Variants in TMEM131 observed in about 807,000 individuals in gnomAD.
TMEM131 encodes the protein 2610524E03Rik.
In TMEM131, 66 loss-of-function variants were observed where a neutral mutation model predicts 211.6. The observed-to-expected ratio is 0.31, with a 90% CI of 0.26 to 0.38. TMEM131 has a LOEUF of 0.38. Ranked by LOEUF, TMEM131 falls within the 10% of genes least tolerant of loss-of-function variation. The pLI is 1.00. For synonymous variants in TMEM131, 844 were observed against 841.3 expected (o/e 1.00, Z -0.06); for missense variants, 2,036 against 2,299.3 (o/e 0.89, Z 2.34).
intron 7 of TMEM131, among the ~76,000 whole-genome samples, chr2:97,840,698 G>A (rs751434856): frequency 1.2e-4 from 18 of 151,142 alleles, no homozygotes; most frequent in African/African-American, 3.7e-4. Flanking sequence ...TCAAAAGGAC[G>A]TAAACAACAG....
chr2:97,869,951 A>G (rs945369327), intron 4 of TMEM131, among the ~76,000 whole-genome samples: 1 of 152,184 alleles, frequency 6.6e-6, no homozygotes, highest in African/African-American at 2.4e-5. Context: ...TGAAGCTCAA[A>G]GTTCTTTTAA....
At chr2:97,802,347 T>C in intron 24 of TMEM131, 81 bp downstream of exon 24, 1 of 1,041,636 alleles carries the variant, frequency 9.6e-7, no homozygotes, top group Non-Finnish European at 1.4e-6. Flanking sequence ...CTGTATGAGC[T>C]GCAAATAAGG....
chr2:97,920,175 G>A (rs957478014), intron 2 of TMEM131, among the ~76,000 whole-genome samples: 1 of 152,158 alleles, frequency 6.6e-6, no homozygotes, highest in Non-Finnish European at 1.5e-5. Flanking sequence ...GACTCTCCTT[G>A]CCCAATCCTG....
At chr2:97,783,972 TGAGAG>T (rs1680134342) in intron 31 of TMEM131, among the ~76,000 whole-genome samples, 2 of 149,330 alleles carry the variant, frequency 1.3e-5, no homozygotes, top group African/African-American at 4.9e-5. Flanking sequence ...TAGATGAACT[TGAGAG>T]GAAAGAAAAT....
chr2:97,990,450 T>TTGGCTCAAGGGACAGATGTCTTAGGGCG (rs1680213591), intron 1 of TMEM131, among the ~76,000 whole-genome samples: 1 of 152,212 alleles, frequency 6.6e-6, no homozygotes, highest in East Asian at 1.9e-4. Context: ...GTTACATAGT[T>TTGGCTCAAGGGACAGATGTCTTAGGGCG]TGGCTCAAGG....
chr2:97,893,186 C>G (rs1420288357), intron 3 of TMEM131, among the ~76,000 whole-genome samples: 1 of 152,186 alleles, frequency 6.6e-6, no homozygotes, highest in Non-Finnish European at 1.5e-5. Context: ...ATGATGGTTT[C>G]CAGCTTCATC....
chr2:97,895,468 G>A (rs1675570404), intron 3 of TMEM131, among the ~76,000 whole-genome samples: 1 of 152,110 alleles, frequency 6.6e-6, no homozygotes, highest in Non-Finnish European at 1.5e-5. Flanking sequence ...TGTACCTCTG[G>A]TTGAATTTGG....
intron 6 of TMEM131, 64 bp from the exon 7 acceptor site, chr2:97,842,001 A>G: frequency 7.1e-7 from 1 of 1,404,642 alleles, no homozygotes; most frequent in Admixed American, 2.8e-5. Flanking sequence ...TTTAGTTATA[A>G]CTGACTGATC....
At chr2:97,794,860 C>A in intron 29 of TMEM131, 70 bp downstream of exon 29, 1 of 1,318,226 alleles carries the variant, frequency 7.6e-7, no homozygotes. Context: ...CAGTGGCTGG[C>A]ACACAGTGGG....
At chr2:97,888,426 G>A (rs1302537919) in intron 3 of TMEM131, among the ~76,000 whole-genome samples, 8 of 152,238 alleles carry the variant, frequency 5.3e-5, no homozygotes, top group South Asian at 2.1e-4. Flanking sequence ...TTAATAGGTC[G>A]CTTGGATTTT....
chr2:97,933,199 T>A (rs912196701), intron 1 of TMEM131, among the ~76,000 whole-genome samples: 1 of 152,176 alleles, frequency 6.6e-6, no homozygotes, highest in Non-Finnish European at 1.5e-5. Context: ...TGCGTGACCA[T>A]AGTACCCAAA....
chr2:97,897,212 T>C (rs941022640), intron 3 of TMEM131, among the ~76,000 whole-genome samples: 7 of 152,142 alleles, frequency 4.6e-5, no homozygotes, highest in Non-Finnish European at 1.0e-4. Context: ...CACAATCACA[T>C]GGTTTGTAGA....
chr2:97,859,399 C>G lies in TMEM131; in HGVS notation c.388G>C (p.Val130Leu). 6.3e-7 allele frequency: 1 copy of G among 1,589,204 alleles called. No homozygotes were observed. The highest frequency in any genetic ancestry group is 2.3e-5 in the East Asian group (1 of 43,578). Residue 130 changes from valine to leucine, a missense_variant, in exon 5 of 41, where the codon GTC becomes CTC. This residue lies in a region of TMEM131 where 277 missense variants were observed against 378.0 expected (regional missense o/e 0.73). Coordinates refer to ENST00000186436, the MANE Select transcript of TMEM131 (RefSeq NM_015348.2). ...TCAGAACTAGGATTATGTAAGTAGA[C>G]TTTTTCCATTTTTGGCATTCCAACT... is the stretch of plus-strand genomic sequence containing the variant. ...QPVGMPKMEKVYLHNPSSEET... is the reference protein window; with the variant it reads ...QPVGMPKMEKLYLHNPSSEET...
At chr2:97,825,941 T>C (rs1390700413) in intron 11 of TMEM131, among the ~76,000 whole-genome samples, 1 of 152,230 alleles carries the variant, frequency 6.6e-6, no homozygotes, top group Non-Finnish European at 1.5e-5. Flanking sequence ...CCTACTTAGA[T>C]AGCAGATGCT....
chr2:97,815,717 T>C (rs1681794132), intron 12 of TMEM131, among the ~76,000 whole-genome samples: 1 of 152,172 alleles, frequency 6.6e-6, no homozygotes, highest in African/African-American at 2.4e-5. Context: ...GGACCTCTAC[T>C]TGCTAGACGG....
chr2:97,941,085 T>A (rs1316718508), intron 1 of TMEM131, among the ~76,000 whole-genome samples: 2 of 152,176 alleles, frequency 1.3e-5, no homozygotes, highest in Non-Finnish European at 2.9e-5. Context: ...ACTACAAGGC[T>A]ACAGTAACCA....
At chr2:97,832,004 CAAAA>C (rs770432398) in intron 11 of TMEM131, among the ~76,000 whole-genome samples, 39 of 60,264 alleles carry the variant, frequency 6.5e-4, no homozygotes, top group Non-Finnish European at 8.6e-4. Context: ...AAGTCACTTC[CAAAA>C]AAAAAAAAAA....
intron 25 of TMEM131, 93 bp from the exon 26 acceptor site, chr2:97,797,609 T>A: frequency 8.9e-7 from 1 of 1,128,214 alleles, no homozygotes; most frequent in Non-Finnish European, 1.2e-6. Flanking sequence ...CAGTATAGTT[T>A]CTCAAACTGA....
intron 31 of TMEM131, among the ~76,000 whole-genome samples, chr2:97,791,851 G>C (rs1680513263): frequency 6.6e-6 from 1 of 152,164 alleles, no homozygotes; most frequent in South Asian, 2.1e-4. Flanking sequence ...TCAGCTCTGT[G>C]GGCCATATTG....
Sources: gnomAD v4.1 joint callset for allele counts (sites outside exome capture counted in the v4.1 genomes callset) on GRCh38, gnomAD v4.1.1 for gene constraint, gnomAD v4.1.1 regional missense constraint, MANE v1.5 for transcripts, NCBI Gene and HGNC (gene_info 2026-07-23, HGNC 2026-07-21) for gene names.